Variants in SNAPC5 observed in about 807,000 individuals in gnomAD.
SNAPC5 encodes small nuclear RNA activating complex polypeptide 5.
In SNAPC5, 12 loss-of-function variants were observed where a neutral mutation model predicts 9.1. That is an observed-to-expected ratio of 1.32 (90% CI 0.85 to 2.15). SNAPC5 has a LOEUF of 2.15. Ranked by LOEUF, SNAPC5 falls within the 30% of genes most tolerant of loss-of-function variation. The pLI is 0.00. For missense variants in SNAPC5, 132 were observed against 114.4 expected (o/e 1.15, Z -0.70); for synonymous variants, 52 against 47.3 (o/e 1.10, Z -0.41).
downstream of SNAPC5, chr15:66,492,132 C>CT (rs528412244): frequency 2.0e-5 from 9 of 448,476 alleles, no homozygotes; most frequent in Admixed American, 1.2e-4. Flanking sequence ...CTGGCGCTGG[C>CT]TTTGTCATGC....
downstream of SNAPC5, chr15:66,489,919 G>C: frequency 1.3e-6 from 1 of 750,148 alleles, no homozygotes; most frequent in East Asian, 2.6e-5. Context: ...AGTCTCCTTT[G>C]CTCTCCCATC....
chr15:66,497,022 T>C lies in SNAPC5; in HGVS notation c.90+620A>G, dbSNP rs114398553. On this transcript the variant is annotated intron_variant, in intron 1 of 2. Coordinates refer to ENST00000316634, the MANE Select transcript of SNAPC5 (RefSeq NM_001329615.2). ...TTGTAGAGACGAGGTCTCACTATAT[T>C]GCCCGGGCTGAGGGGCTGCATTAAG... 1,040 of 155,962 alleles carry C rather than the reference T, an allele frequency of 6.7e-3. 12 individuals carry two copies. Among genetic ancestry groups the C allele is most frequent in the African/African-American group, 0.023 (964 of 41,678 alleles). 9.7% of individuals were successfully genotyped at this position (155,962 alleles called of 1,614,324 possible). A position where few individuals can be genotyped will look rare whatever the true frequency, so the allele number is the denominator to read the frequency against.
downstream of SNAPC5, chr15:66,492,145 G>C (rs931187184): frequency 2.3e-6 from 1 of 440,136 alleles, no homozygotes; most frequent in African/African-American, 2.0e-5. Flanking sequence ...TGTCATGCCT[G>C]TGAGGTGGCA....
chr15:66,491,969 T>C, downstream of SNAPC5: 2 of 456,694 alleles, frequency 4.4e-6, no homozygotes, highest in South Asian at 1.5e-5. Flanking sequence ...GTCATGCTCA[T>C]AGGAGGGCCT....
At position 66,495,889 on chromosome 15, in the gene SNAPC5, G is replaced by A. The variant is rs530259708; in HGVS notation, c.91-470C>T. ...CTCATTAAGTACTTGTAAGGGTACC[G>A]TGGCAATATAGAAACACAAATAAGT... On this transcript the variant is annotated intron_variant, in intron 1 of 2. Coordinates refer to ENST00000316634, the MANE Select transcript of SNAPC5 (RefSeq NM_001329615.2). Among the ~76,000 whole-genome samples, 6 of 152,330 alleles carry A rather than the reference G, an allele frequency of 3.9e-5. No individual in the cohort carries two copies. In the South Asian group the frequency reaches 6.2e-4, roughly 16 times the overall value.
rs751746174 is a variant in SNAPC5, at chr15:66,497,749, C to T, written c.-18G>A. ...CTCAGCATGTTGCCTGGTCACATAGCCAACCTCCGGGCTGCTGTCGGCCCG... is the reference window on the plus strand; with the variant it reads ...CTCAGCATGTTGCCTGGTCACATAGTCAACCTCCGGGCTGCTGTCGGCCCG... On this transcript the variant is annotated 5_prime_UTR_variant, in exon 1 of 3. Coordinates refer to ENST00000316634, the MANE Select transcript of SNAPC5 (RefSeq NM_001329615.2). 4 of 1,599,286 alleles carry T rather than the reference C, an allele frequency of 2.5e-6. No individual in the cohort carries two copies. Among genetic ancestry groups the T allele is most frequent in the Non-Finnish European group, 3.4e-6 (4 of 1,169,498 alleles).
chr15:66,497,628 G>A lies in SNAPC5; in HGVS notation c.90+14C>T, dbSNP rs1316947578. On this transcript the variant is annotated intron_variant, in intron 1 of 2. Coordinates refer to ENST00000316634, the MANE Select transcript of SNAPC5 (RefSeq NM_001329615.2). ...GAGGAATGGAGGAGGGGCAGGAGAG[G>A]GCCGCGGGGTCACCTTGAGGCGGTT... is the stretch of plus-strand genomic sequence containing the variant. 3.1e-6 allele frequency: 5 copies of A among 1,612,870 alleles called. No homozygotes were observed. Among genetic ancestry groups the A allele is most frequent in the Non-Finnish European group, 3.4e-6 (4 of 1,178,814 alleles).
downstream of SNAPC5, chr15:66,490,121 G>A: frequency 1.9e-6 from 1 of 518,178 alleles, no homozygotes; most frequent in Non-Finnish European, 3.5e-6. Flanking sequence ...GTCTCGTTTG[G>A]TGGCAGTGGA....
In SNAPC5 at chr15:66,495,366, C is replaced by T. The variant is rs1893390372; in HGVS notation, c.144G>A (p.Met48Ile). Reference protein sequence around the residue: ...SMISSRRGDEMLSSHTVPEQS... With the variant: ...SMISSRRGDEILSSHTVPEQS... ...GTTCAGGTACAGTGTGAGAAGACAG[C>T]ATCTCATCCCCTCTTCTAGAACTGA... Residue 48 changes from methionine to isoleucine, a missense_variant, in exon 2 of 3, where the codon ATG becomes ATA. Met to Ile is a conservative substitution (Grantham distance 10). Transcript: ENST00000316634. 2 of 1,608,738 alleles carry T rather than the reference C, an allele frequency of 1.2e-6. No homozygotes were observed. The highest frequency in any genetic ancestry group is 1.7e-6 in the Non-Finnish European group (2 of 1,175,010).
At chr15:66,495,197 A>T in intron 2 of SNAPC5, 133 bp downstream of exon 2, 1 of 724,376 alleles carries the variant, frequency 1.4e-6, no homozygotes, top group East Asian at 2.5e-5. Context: ...TTAAACCAGA[A>T]AACTGTTATC....
downstream of SNAPC5, chr15:66,489,826 C>G: frequency 7.3e-7 from 1 of 1,377,302 alleles, no homozygotes; most frequent in South Asian, 1.2e-5. Flanking sequence ...CTCTGTCAGT[C>G]ATCTGTGCAG....
rs779213875 is a variant in SNAPC5, at chr15:66,497,664, T to G, written c.68A>C (p.His23Pro). 5 of 1,614,080 alleles carry G rather than the reference T, an allele frequency of 3.1e-6. No homozygotes were observed. The highest frequency in any genetic ancestry group is 4.2e-6 in the Non-Finnish European group (5 of 1,179,994). The change falls in exon 1 of 3, where the codon CAC (histidine) becomes CCC (proline). Residue 23 changes from histidine to proline, a missense_variant. Coordinates refer to ENST00000316634, the MANE Select transcript of SNAPC5 (RefSeq NM_001329615.2). ...CACCTTGAGGCGGTTCAGCTGGTCG[T>G]GCAGGGCTGCCTTCAACCGCAGCAG... Reference protein sequence around the residue: ...ETLLRLKAALHDQLNRLKVEE... With the variant: ...ETLLRLKAALPDQLNRLKVEE...
intron 2 of SNAPC5, chr15:66,495,119 G>A (rs1667671770): frequency 1.7e-6 from 1 of 572,346 alleles, no homozygotes; most frequent in African/African-American, 1.9e-5. Flanking sequence ...TAAAACATTA[G>A]TAACTACTTA....
downstream of SNAPC5, chr15:66,490,953 G>A: frequency 2.3e-6 from 1 of 441,948 alleles, no homozygotes. Context: ...CTCCATGACT[G>A]GCTGTCTGCC....
At chr15:66,492,596 G>A (rs949840755), downstream of SNAPC5, among the ~76,000 whole-genome samples, 2 of 152,108 alleles carry the variant, frequency 1.3e-5, no homozygotes, top group Non-Finnish European at 2.9e-5. Flanking sequence ...ATTAAAATGA[G>A]AATACTACAT....
intron 1 of SNAPC5, 185 bp downstream of exon 1, chr15:66,497,457 G>A: frequency 1.6e-6 from 1 of 637,600 alleles, no homozygotes; most frequent in Non-Finnish European, 2.9e-6. Context: ...GGCCTAAGAA[G>A]CGCACAGCAA....
downstream of SNAPC5, chr15:66,491,824 T>C (rs1428103524): frequency 2.5e-6 from 1 of 401,168 alleles, no homozygotes; most frequent in African/African-American, 2.1e-5. Context: ...ATCTCTTTTA[T>C]ACAAGGGAAA....
rs568885068 is a variant in SNAPC5, at chr15:66,497,695, C to T, written c.37G>A (p.Glu13Lys). The T allele has an allele frequency of 1.9e-6, 3 of 1,613,772 alleles. No individual in the cohort carries two copies. Among genetic ancestry groups the T allele is most frequent in the East Asian group, 2.2e-5 (1 of 44,868 alleles). The change falls in exon 1 of 3, where the codon GAG (glutamate) becomes AAG (lysine). Residue 13 changes from glutamate to lysine, a missense_variant. Glu to Lys is a moderately conservative substitution (Grantham distance 56, BLOSUM62 1). Coordinates refer to ENST00000316634, the MANE Select transcript of SNAPC5 (RefSeq NM_001329615.2). ...SRLQELRKEE[E>K]TLLRLKAALH... The stretch of plus-strand genomic sequence containing the variant: ...GCTGCCTTCAACCGCAGCAGCGTCT[C>T]CTCCTCCTTGCGCAGTTCCTGAAGC...
Position 66,495,316 on chromosome 15 carries a change from T to A in SNAPC5, c.180+14A>T, listed in dbSNP as rs747771331. 2.7e-6 allele frequency: 4 copies of A among 1,487,636 alleles called. No individual in the cohort carries two copies. In the East Asian group the frequency reaches 9.0e-5, roughly 34 times the overall value. The allele number at this position is 1,487,636 out of a possible 1,614,324, so 92.2% of individuals were successfully genotyped here. On this transcript the variant is annotated intron_variant, in intron 2 of 2. Transcript: ENST00000316634. ...TTTGCATTCTCTCCTAGGCCTGCAC[T>A]TGATTAAGCTTACATCATGTGACTG...
Sources: gnomAD v4.1 joint callset for allele counts (sites outside exome capture counted in the v4.1 genomes callset) on GRCh38, gnomAD v4.1.1 for gene constraint, MANE v1.5 for transcripts, NCBI Gene and HGNC (gene_info 2026-07-23, HGNC 2026-07-21) for gene names.